The following CEP57 variants were observed in gnomAD, a reference collection of about 807,000 sequenced individuals.
CEP57 encodes the protein centrosomal protein of 57 kDa.
A neutral mutation model predicts 68.0 loss-of-function variants in CEP57; 40 were observed. That is an observed-to-expected ratio of 0.59 (90% CI 0.46 to 0.77). The LOEUF is 0.77. Ranked by LOEUF, CEP57 falls within the 30% of genes least tolerant of loss-of-function variation. The pLI, the probability that CEP57 is intolerant of heterozygous loss-of-function variation, is 0.00. For missense variants in CEP57, 606 were observed against 580.7 expected (o/e 1.04, Z -0.45); for synonymous variants, 219 against 198.7 (o/e 1.10, Z -0.86).
intron 1 of CEP57, among the ~76,000 whole-genome samples, chr11:95,793,327 CAAG>C (rs896178480): frequency 1.3e-5 from 2 of 152,132 alleles, no homozygotes; most frequent in Non-Finnish European, 2.9e-5. Context: ...TTGAAATACA[CAAG>C]AATGTCTTTC....
At chr11:95,816,973 C>T (rs367688138) in intron 4 of CEP57, among the ~76,000 whole-genome samples, 6 of 150,444 alleles carry the variant, frequency 4.0e-5, no homozygotes, top group African/African-American at 1.5e-4. Context: ...ATGATGCCAC[C>T]GCACTCCAGC....
intron 7 of CEP57, 146 bp from the exon 8 acceptor site, chr11:95,822,353 A>AG (rs1862552839): frequency 3.0e-6 from 2 of 673,954 alleles, no homozygotes; most frequent in South Asian, 3.4e-5. Context: ...AAGTACTATT[A>AG]GGAGCTGGCT....
At chr11:95,817,138 C>T (rs1410475391) in intron 4 of CEP57, among the ~76,000 whole-genome samples, 1 of 151,716 alleles carries the variant, frequency 6.6e-6, no homozygotes, top group Non-Finnish European at 1.5e-5. Flanking sequence ...GAGGCTGAGG[C>T]GGGTGGCTTA....
chr11:95,804,046 A>G (rs1861691824), intron 2 of CEP57, among the ~76,000 whole-genome samples: 1 of 152,224 alleles, frequency 6.6e-6, no homozygotes, highest in African/African-American at 2.4e-5. Context: ...AGGAAACAAA[A>G]TTAGGAAATA....
chr11:95,790,987 T>G (rs2135223026), intron 1 of CEP57, among the ~76,000 whole-genome samples: 1 of 152,338 alleles, frequency 6.6e-6, no homozygotes, highest in African/African-American at 2.4e-5. Context: ...CCTTTTGGCG[T>G]AGCAACCAAC....
At position 95,827,868 on chromosome 11, in the gene CEP57, A is replaced by G. The variant is rs1266159669; in HGVS notation, c.968A>G (p.Asn323Ser). Residue 323 changes from asparagine (N) to serine (S), a missense_variant, in exon 9 of 11, where the codon AAT becomes AGT. Physicochemically the swap from Asn to Ser is conservative, Grantham distance 46. Transcript: ENST00000325542. ...LMKQHSKALC[N>S]DRVINSIPLA... ...AAGCAACACAGTAAAGCTTTGTGCAATGATCGAGTCATCAACAGTATTCCT... is the reference window on the plus strand; with the variant it reads ...AAGCAACACAGTAAAGCTTTGTGCAGTGATCGAGTCATCAACAGTATTCCT... 4.3e-6 allele frequency: 7 copies of G among 1,614,002 alleles called. No homozygotes were observed. Among genetic ancestry groups the G allele is most frequent in the Admixed American group, 1.7e-5 (1 of 59,994 alleles).
chr11:95,790,904 G>C (rs997020921), intron 1 of CEP57, among the ~76,000 whole-genome samples, 161 bp downstream of exon 1: 2 of 152,184 alleles, frequency 1.3e-5, no homozygotes, highest in African/African-American at 4.8e-5. Context: ...ATTCACTGTG[G>C]CTGTGTCGAA....
chr11:95,799,714 C>T (rs976578562), intron 2 of CEP57, among the ~76,000 whole-genome samples: 3 of 152,114 alleles, frequency 2.0e-5, no homozygotes, highest in African/African-American at 4.8e-5. Flanking sequence ...GTTCTCATTG[C>T]TTTGGTTCAG....
Position 95,818,508 on chromosome 11 carries a change from A to G in CEP57, c.622-319A>G, listed in dbSNP as rs148944206. On this transcript the variant is annotated intron_variant, in intron 5 of 10. Transcript: ENST00000325542. ...AGCTAATTTTAGTTTTAATTATTTC[A>G]TTTGGGAGATATTTAATACCACTGA... Among the ~76,000 whole-genome samples, 546 of 152,080 alleles carry G rather than the reference A, an allele frequency of 3.6e-3. 1 individual carries two copies. Among genetic ancestry groups the G allele is most frequent in the African/African-American group, 0.013 (520 of 41,476 alleles).
Position 95,832,061 on chromosome 11 carries a change from T to C in CEP57, c.*805T>C, listed in dbSNP as rs1056121809. ...TCAGTCAAGGCATTATGGTTTTTAA[T>C]CTTGAAACTTAGAGAACCCTTTGAA... On this transcript the variant is annotated 3_prime_UTR_variant, in exon 11 of 11. Coordinates refer to ENST00000325542, the MANE Select transcript of CEP57 (RefSeq NM_014679.5). 3.9e-5 allele frequency: 6 copies of C among 152,138 alleles called. No individual in the cohort carries two copies. Among genetic ancestry groups the C allele is most frequent in the African/African-American group, 1.4e-4 (6 of 41,454 alleles). The allele number at this position is 152,138 out of a possible 1,614,324, so 9.4% of individuals were successfully genotyped here. A position where few individuals can be genotyped will look rare whatever the true frequency, so the allele number is the denominator to read the frequency against.
chr11:95,831,302 C>CTG lies in CEP57; in HGVS notation c.*46_*47insTG. 7.6e-7 allele frequency: 1 copy of CTG among 1,312,306 alleles called. No individual in the cohort carries two copies. The highest frequency in any genetic ancestry group is 1.1e-6 in the Non-Finnish European group (1 of 912,160). 81.3% of individuals were successfully genotyped at this position (1,312,306 alleles called of 1,614,324 possible). A position where few individuals can be genotyped will look rare whatever the true frequency, so the allele number is the denominator to read the frequency against. ...TTTATTCAGATAATCTGTACCTCAT[C>CTG]AATCAGATGATGACAATTTACTTCC... On this transcript the variant is annotated 3_prime_UTR_variant, in exon 11 of 11. Transcript: ENST00000325542.
At chr11:95,796,099 TGA>T (rs746442251) in intron 1 of CEP57, among the ~76,000 whole-genome samples, 1 of 152,244 alleles carries the variant, frequency 6.6e-6, no homozygotes, top group Non-Finnish European at 1.5e-5. Context: ...GTTTTGTATT[TGA>T]GTTTTATCTA....
chr11:95,791,183 C>G (rs780678461), intron 1 of CEP57, among the ~76,000 whole-genome samples: 2 of 152,178 alleles, frequency 1.3e-5, no homozygotes, highest in African/African-American at 2.4e-5. Context: ...CGAGCGCTTA[C>G]TAGTCGTTGC....
chr11:95,818,698 A>G (rs767620631), intron 5 of CEP57, 129 bp from the exon 6 acceptor site: 16 of 704,372 alleles, frequency 2.3e-5, no homozygotes, highest in Middle Eastern at 6.2e-4. Context: ...CACAGCCTCC[A>G]TTACTACAGT....
At chr11:95,799,410 A>G (rs751321397) in intron 2 of CEP57, 22 bp downstream of exon 2, 1 of 1,613,352 alleles carries the variant, frequency 6.2e-7, no homozygotes, top group Non-Finnish European at 8.5e-7. Context: ...TAACGAAATA[A>G]ATGTTATTTG....
In CEP57 at chr11:95,829,262, G is replaced by A. The variant is rs982783319; in HGVS notation, c.1203G>A (p.Leu401=). The change falls in exon 10 of 11, where the codon TTG becomes TTA. Residue 401 remains leucine (L), a synonymous_variant. Coordinates refer to ENST00000325542, the MANE Select transcript of CEP57 (RefSeq NM_014679.5). The part of the protein sequence containing the change: ...VELKDKLECE[L]EALVGRMEAK... ...TGAAAGACAAGTTGGAGTGTGAATT[G>A]GAGGCATTAGTGGGAAGGATGGAAG... 8 of 1,613,884 alleles carry A rather than the reference G, an allele frequency of 5.0e-6. No individual in the cohort carries two copies. Among genetic ancestry groups the A allele is most frequent in the Non-Finnish European group, 6.8e-6 (8 of 1,179,970 alleles).
intron 2 of CEP57, among the ~76,000 whole-genome samples, chr11:95,804,128 A>G (rs892286636): frequency 7.9e-5 from 12 of 152,210 alleles, no homozygotes; most frequent in African/African-American, 2.7e-4. Context: ...AAGCCAATAT[A>G]TGCTTTTTAA....
chr11:95,820,140 A>T (rs546230502), intron 6 of CEP57, among the ~76,000 whole-genome samples: 1 of 152,338 alleles, frequency 6.6e-6, no homozygotes, highest in African/African-American at 2.4e-5. Context: ...ATGAATTTTT[A>T]AAATTATTTA....
At chr11:95,792,770 C>G (rs751916046) in intron 1 of CEP57, among the ~76,000 whole-genome samples, 14 of 152,204 alleles carry the variant, frequency 9.2e-5, no homozygotes, top group Middle Eastern at 3.4e-3. Flanking sequence ...GTTACTGTTT[C>G]TCAAAACAAA....
Sources: gnomAD v4.1 joint callset for allele counts (sites outside exome capture counted in the v4.1 genomes callset) on GRCh38, gnomAD v4.1.1 for gene constraint, MANE v1.5 for transcripts, NCBI Gene and HGNC (gene_info 2026-07-23, HGNC 2026-07-21) for gene names.